Variants in FBRSL1 observed in about 807,000 individuals in gnomAD.
FBRSL1 encodes fibrosin-1-like protein.
Under a neutral mutation model 89.6 loss-of-function variants are expected in FBRSL1, and 51 were observed. The observed-to-expected ratio is 0.57, with a 90% CI of 0.45 to 0.72. FBRSL1 has a LOEUF of 0.72. FBRSL1 is among the 30% of genes least tolerant of loss of function. The pLI is 0.00. For synonymous variants in FBRSL1, 779 were observed against 681.1 expected, an observed-to-expected ratio of 1.14 and a Z score of -2.24; for missense variants, 1,618 against 1,451.8, an observed-to-expected ratio of 1.11 and a Z score of -1.86.
At chr12:132,569,729 C>T (rs567564542) in intron 6 of FBRSL1, among the ~76,000 whole-genome samples, 197 bp from the exon 7 acceptor site, 93 of 152,298 alleles carry the variant, frequency 6.1e-4, no homozygotes, top group African/African-American at 2.1e-3. Context: ...CAGCTCCCTC[C>T]GCCGGGCGGG....
chr12:132,511,305 C>T (rs1247118203), intron 2 of FBRSL1: 9 of 985,578 alleles, frequency 9.1e-6, no homozygotes, highest in African/African-American at 1.7e-5. Context: ...CTCCCGGCTT[C>T]CCCACAGTCC....
chr12:132,504,178 C>T (rs567832950), intron 1 of FBRSL1, among the ~76,000 whole-genome samples: 10 of 152,160 alleles, frequency 6.6e-5, no homozygotes, highest in African/African-American at 2.2e-4. Flanking sequence ...AGGAGCAGGG[C>T]GTGGCCACCT....
At chr12:132,495,328 G>T (rs1174471135) in intron 1 of FBRSL1, among the ~76,000 whole-genome samples, 1 of 152,210 alleles carries the variant, frequency 6.6e-6, no homozygotes, top group East Asian at 1.9e-4. Flanking sequence ...GGCCTGCCGA[G>T]CACCGCGTGT....
rs1323044766 is a variant in FBRSL1, at chr12:132,582,319, TC to T, written c.2201+59del. Reference sequence around the variant, plus strand: ...CACCACACACCCCTACCCCGTTCTTTCCCCCCTCCCGTCATCCCCGGTTCCC... The same window carrying T: ...CACCACACACCCCTACCCCGTTCTTTCCCCCTCCCGTCATCCCCGGTTCCC... On this transcript the variant is annotated intron_variant, in intron 18 of 18. Transcript: ENST00000680143. 1.9e-5 allele frequency: 27 copies of T among 1,455,962 alleles called. No individual in the cohort carries two copies. In the South Asian group the frequency reaches 2.0e-4, roughly 11 times the overall value. The allele number at this position is 1,455,962 out of a possible 1,614,324, so 90.2% of individuals were successfully genotyped here.
rs748463485 is a variant in FBRSL1 at position 132,490,740 on chromosome 12, C to T, written c.170C>T (p.Ala57Val). ...AGLRGAPPRG[A>V]APAPRTARPP... is the part of the protein sequence containing the mutation. ...CTCCGCGGCGCGCCCCCCCGAGGCGCCGCCCCCGCGCCCCGCACCGCGCGT... is the reference window on the plus strand; with the variant it reads ...CTCCGCGGCGCGCCCCCCCGAGGCGTCGCCCCCGCGCCCCGCACCGCGCGT... The change falls in exon 1 of 19, where the codon GCC (alanine) becomes GTC (valine). Residue 57 changes from alanine (A) to valine (V), a missense_variant. Coordinates refer to ENST00000680143, the MANE Select transcript of FBRSL1 (RefSeq NM_001367871.1). 39 of 1,008,998 alleles carry T rather than the reference C, an allele frequency of 3.9e-5. No homozygotes were observed. Among genetic ancestry groups the T allele is most frequent in the Non-Finnish European group, 1.1e-5 (9 of 848,532 alleles). The allele number at this position is 1,008,998 out of a possible 1,614,324, so 62.5% of individuals were successfully genotyped here.
intron 5 of FBRSL1, among the ~76,000 whole-genome samples, chr12:132,557,719 T>C (rs1340265487): frequency 1.9e-4 from 29 of 152,208 alleles, no homozygotes; most frequent in Admixed American, 1.9e-3. Context: ...GCTGGCCAGT[T>C]GCTGCCCCTC....
In FBRSL1 at chr12:132,490,420, C is replaced by T. The variant is rs1405502505; in HGVS notation, c.-151C>T. The T allele has an allele frequency of 1.4e-5, 6 of 439,430 alleles. No individual in the cohort carries two copies. Among genetic ancestry groups the T allele is most frequent in the African/African-American group, 9.0e-5 (4 of 44,554 alleles). The allele number at this position is 439,430 out of a possible 1,614,324, so 27.2% of individuals were successfully genotyped here. A position where few individuals can be genotyped will look rare whatever the true frequency, so the allele number is the denominator to read the frequency against. On this transcript the variant is annotated 5_prime_UTR_variant, in exon 1 of 19. Transcript: ENST00000680143. ...GAGCCGCCCCCCGCGCCCGGCATGC[C>T]CGGCCCGGCCCGCCGCCCGCCGCCG...
chr12:132,570,588 C>G, intron 8 of FBRSL1, 48 bp downstream of exon 8: 1 of 1,409,278 alleles, frequency 7.1e-7, no homozygotes, highest in Non-Finnish European at 9.3e-7. Context: ...TTGGGGGGTG[C>G]GGGGACACGG....
rs2137325505 is a variant in FBRSL1 at position 132,548,052 on chromosome 12, C to A, written c.645+20C>A. Reference sequence around the variant, plus strand: ...GACAAGGTAAGCCCAGCGTCCTCCTCCTGGGCTCGGCTGACAGCCCTGCCC... The same window carrying A: ...GACAAGGTAAGCCCAGCGTCCTCCTACTGGGCTCGGCTGACAGCCCTGCCC... On this transcript the variant is annotated intron_variant, in intron 5 of 18. Transcript: ENST00000680143. 6.5e-7 allele frequency: 1 copy of A among 1,549,884 alleles called. No homozygotes were observed. Among genetic ancestry groups the A allele is most frequent in the Non-Finnish European group, 8.7e-7 (1 of 1,146,480 alleles).
At chr12:132,508,841 G>A (rs1011298124) in intron 2 of FBRSL1, among the ~76,000 whole-genome samples, 7 of 152,334 alleles carry the variant, frequency 4.6e-5, no homozygotes, top group African/African-American at 1.2e-4. Context: ...GGTCAGGTGC[G>A]TGGCCCAGCT....
At chr12:132,509,076 G>A (rs1413165617) in intron 2 of FBRSL1, 1 of 1,195,856 alleles carries the variant, frequency 8.4e-7, no homozygotes, top group Non-Finnish European at 1.0e-6. Flanking sequence ...TGCTGGAGAA[G>A]GGCAGCATGC....
intron 2 of FBRSL1, among the ~76,000 whole-genome samples, chr12:132,514,443 G>C (rs555962045): frequency 6.6e-5 from 10 of 152,316 alleles, no homozygotes; most frequent in African/African-American, 2.2e-4. Context: ...GCATTGACCA[G>C]GCCGAGGCCA....
At chr12:132,569,407 C>T (rs934943074) in intron 6 of FBRSL1, among the ~76,000 whole-genome samples, 2 of 152,078 alleles carry the variant, frequency 1.3e-5, no homozygotes, top group East Asian at 1.9e-4. Context: ...CAGGGGGTTC[C>T]AGAAAGAAAA....
intron 2 of FBRSL1, chr12:132,509,119 G>T: frequency 8.4e-7 from 1 of 1,184,934 alleles, no homozygotes; most frequent in South Asian, 4.1e-5. Context: ...GGGTTCCGCG[G>T]GCGGTGACAC....
Position 132,567,536 on chromosome 12 carries a change from T to A in FBRSL1, c.691+10T>A. 1 of 1,550,694 alleles carries A rather than the reference T, an allele frequency of 6.4e-7. No individual in the cohort carries two copies. Among genetic ancestry groups the A allele is most frequent in the Non-Finnish European group, 8.7e-7 (1 of 1,146,806 alleles). Reference sequence around the variant, plus strand: ...CCGGGAACCGATAAAGGTAAGTGGGTCCCCTCGGCCCAGCTCCTGGGCCTC... The same window carrying A: ...CCGGGAACCGATAAAGGTAAGTGGGACCCCTCGGCCCAGCTCCTGGGCCTC... On this transcript the variant is annotated intron_variant, in intron 6 of 18. Coordinates refer to ENST00000680143, the MANE Select transcript of FBRSL1 (RefSeq NM_001367871.1).
chr12:132,575,263 T>C (rs2040308578), intron 14 of FBRSL1, among the ~76,000 whole-genome samples: 1 of 152,244 alleles, frequency 6.6e-6, no homozygotes, highest in African/African-American at 2.4e-5. Context: ...AGTCTCGCTC[T>C]GTCGCCCAGG....
At chr12:132,531,602 G>T (rs535928440) in intron 4 of FBRSL1, among the ~76,000 whole-genome samples, 1 of 152,256 alleles carries the variant, frequency 6.6e-6, no homozygotes, top group East Asian at 1.9e-4. Context: ...TTGTGTGTTT[G>T]CATGCTGTGC....
At chr12:132,577,086 C>T (rs192447457) in intron 15 of FBRSL1, among the ~76,000 whole-genome samples, 155 bp downstream of exon 15, 25 of 152,244 alleles carry the variant, frequency 1.6e-4, no homozygotes, top group Admixed American at 5.9e-4. Context: ...CAAAGCCTGG[C>T]AACTCCCTCA....
In FBRSL1 at chr12:132,572,588, C is replaced by T; in HGVS notation, c.1496C>T (p.Pro499Leu). ...GLPTLLPHPG[P>L]FGSLQGAFQP... ...CCCACCCTGCTCCCACACCCCGGCC[C>T]CTTCGGGTCCCTGCAGGGCGCTTTT... The change falls in exon 11 of 19, where the codon CCC (proline) becomes CTC (leucine). Residue 499 changes from proline (P) to leucine (L), a missense_variant. Transcript: ENST00000680143. 3.2e-6 allele frequency: 5 copies of T among 1,551,164 alleles called. No individual in the cohort carries two copies. The highest frequency in any genetic ancestry group is 4.4e-6 in the Non-Finnish European group (5 of 1,146,884).
Sources: gnomAD v4.1 joint callset for allele counts (sites outside exome capture counted in the v4.1 genomes callset) on GRCh38, gnomAD v4.1.1 for gene constraint, MANE v1.5 for transcripts, NCBI Gene and HGNC (gene_info 2026-07-23, HGNC 2026-07-21) for gene names.